Variants in VPS39 observed in about 807,000 individuals in gnomAD.
VPS39 encodes vam6/Vps39-like protein.
In VPS39, 70 loss-of-function variants were observed where a neutral mutation model predicts 121.0. That is an observed-to-expected ratio of 0.58 (90% CI 0.48 to 0.71). The LOEUF (loss-of-function observed/expected upper bound fraction) is 0.71. Among genes scored for constraint, VPS39 ranks in the 30% least tolerant of loss-of-function variants. The pLI is 0.00. For synonymous variants in VPS39, 378 were observed against 398.1 expected (o/e 0.95, Z 0.60); for missense variants, 818 against 1,051.5 (o/e 0.78, Z 3.07).
At chr15:42,185,661 T>C (rs1460340572) in intron 7 of VPS39, among the ~76,000 whole-genome samples, 1 of 152,186 alleles carries the variant, frequency 6.6e-6, no homozygotes, top group Non-Finnish European at 1.5e-5. Context: ...TCATTCAATT[T>C]ATATGACATT....
intron 12 of VPS39, 53 bp downstream of exon 12, chr15:42,169,671 C>T: frequency 6.5e-7 from 1 of 1,528,908 alleles, no homozygotes; most frequent in Non-Finnish European, 8.9e-7. Context: ...CACAAAGAAA[C>T]AAGTACTGAA....
chr15:42,186,597 G>A (rs1230582562), intron 7 of VPS39, among the ~76,000 whole-genome samples: 1 of 152,208 alleles, frequency 6.6e-6, no homozygotes, highest in African/African-American at 2.4e-5. Flanking sequence ...CATATAGTAT[G>A]CATATTGGAG....
At chr15:42,186,742 G>C (rs1415794568) in intron 7 of VPS39, among the ~76,000 whole-genome samples, 2 of 152,174 alleles carry the variant, frequency 1.3e-5, no homozygotes, top group African/African-American at 4.8e-5. Context: ...ATTTCTGAGT[G>C]GGGGGACTAT....
At chr15:42,175,656 C>T (rs965808700) in intron 10 of VPS39, among the ~76,000 whole-genome samples, 1 of 151,872 alleles carries the variant, frequency 6.6e-6, no homozygotes, top group Non-Finnish European at 1.5e-5. Context: ...TAGTCCAAGC[C>T]ATCATCAACA....
In VPS39 at chr15:42,203,762, T is replaced by C. The variant is rs188712618; in HGVS notation, c.74-3801A>G. 9.2e-5 allele frequency among the ~76,000 whole-genome samples: 14 copies of C among 152,378 alleles called. No homozygotes were observed. The East Asian group carries it at 2.3e-3, about 25-fold the overall frequency. On this transcript the variant is annotated intron_variant, in intron 1 of 24. Transcript: ENST00000318006. ...CAACCTGATTGATTACATGTGCCAT[T>C]AGCCAGAGGACCTGTCCCATGTTGG...
Position 42,159,237 on chromosome 15 carries a change from G to A in VPS39, c.*1517C>T, listed in dbSNP as rs938371574. On this transcript the variant is annotated 3_prime_UTR_variant, in exon 25 of 25. Transcript: ENST00000318006. ...TCAGGCCCCCACGGACGGCATGCCTGGGGAAGCCTAGTCTACTTACCATCA... is the reference window on the plus strand; with the variant it reads ...TCAGGCCCCCACGGACGGCATGCCTAGGGAAGCCTAGTCTACTTACCATCA... 1 of 152,268 alleles carries A rather than the reference G, an allele frequency of 6.6e-6. No individual in the cohort carries two copies. Among genetic ancestry groups the A allele is most frequent in the Non-Finnish European group, 1.5e-5 (1 of 68,092 alleles). The allele number at this position is 152,268 out of a possible 1,614,324, so 9.4% of individuals were successfully genotyped here.
At chr15:42,203,106 G>A (rs992503298) in intron 1 of VPS39, among the ~76,000 whole-genome samples, 4 of 152,064 alleles carry the variant, frequency 2.6e-5, no homozygotes, top group Non-Finnish European at 5.9e-5. Flanking sequence ...CGAAGTGGGC[G>A]AATCACTGGA....
Position 42,169,804 on chromosome 15 carries a change from G to A in VPS39, c.1153C>T (p.Gln385Ter). The stretch of plus-strand genomic sequence containing the variant: ...AGCACAGGCAATGGGTTGGGATACT[G>A]CAACTGCTTTCTGTAGTCTGTGGGC... Reference protein sequence around the residue: ...LLPTDYRKQLQYPNPLPVLSG... With the variant: ...LLPTDYRKQL Residue 385 changes from glutamine to a stop codon, truncating the protein, a stop_gained, in exon 12 of 25, where the codon CAG becomes TAG. Coordinates refer to ENST00000318006, the MANE Select transcript of VPS39 (RefSeq NM_015289.5). LOFTEE classifies it high-confidence loss of function. The A allele has an allele frequency of 6.2e-7, 1 of 1,614,110 alleles. No homozygotes were observed. The highest frequency in any genetic ancestry group is 8.5e-7 in the Non-Finnish European group (1 of 1,180,028).
chr15:42,192,294 T>A (rs915944581), intron 2 of VPS39, among the ~76,000 whole-genome samples: 1 of 152,126 alleles, frequency 6.6e-6, no homozygotes, highest in African/African-American at 2.4e-5. Flanking sequence ...TTATATATAT[T>A]TTTTTCTGTA....
rs200090156 is a variant in VPS39 at position 42,173,860 on chromosome 15, C to T, written c.961-8G>A. The T allele has an allele frequency of 4.5e-5, 73 of 1,613,648 alleles. 1 individual carries two copies. Among genetic ancestry groups the T allele is most frequent in the African/African-American group, 1.2e-4 (9 of 74,876 alleles). Reference sequence around the variant, plus strand: ...AGAATCATCTTTCATTTCCTAATAACGGAGCAGAATATGTAAGAGTTCACT... The same window carrying T: ...AGAATCATCTTTCATTTCCTAATAATGGAGCAGAATATGTAAGAGTTCACT... On this transcript the variant is annotated splice_region_variant and splice_polypyrimidine_tract_variant and intron_variant, in intron 10 of 24. Transcript: ENST00000318006.
rs1322258955 is a variant in VPS39, at chr15:42,162,434, G to C, written c.2223C>G (p.His741Gln). Residue 741 changes from histidine (H) to glutamine (Q), a missense_variant, in exon 22 of 25, where the codon CAC becomes CAG. Coordinates refer to ENST00000318006, the MANE Select transcript of VPS39 (RefSeq NM_015289.5). ...LRMYLSPPSIHCLGPIKLELL... is the reference protein window; with the variant it reads ...LRMYLSPPSIQCLGPIKLELL... ...GTTCCAGCTTGATTGGCCCCAGGCA[G>C]TGAATGCTGGGGGGCGACAGGTACA... 1 of 1,613,062 alleles carries C rather than the reference G, an allele frequency of 6.2e-7. No homozygotes were observed. Among genetic ancestry groups the C allele is most frequent in the Non-Finnish European group, 8.5e-7 (1 of 1,179,446 alleles).
Position 42,208,251 on chromosome 15 carries a change from G to T in VPS39, c.-98C>A. 2.0e-6 allele frequency: 3 copies of T among 1,467,604 alleles called. No individual in the cohort carries two copies. The highest frequency in any genetic ancestry group is 2.5e-5 in the South Asian group (2 of 80,792). 90.9% of individuals were successfully genotyped at this position (1,467,604 alleles called of 1,614,324 possible). A position where few individuals can be genotyped will look rare whatever the true frequency, so the allele number is the denominator to read the frequency against. On this transcript the variant is annotated 5_prime_UTR_variant, in exon 1 of 25. Coordinates refer to ENST00000318006, the MANE Select transcript of VPS39 (RefSeq NM_015289.5). ...CTGGGCTAAGGGTAGACCGGGATCC[G>T]GCCAGGAACCCCCCGGCTACAGGCC...
At chr15:42,201,548 T>C (rs2050069661) in intron 1 of VPS39, among the ~76,000 whole-genome samples, 1 of 152,202 alleles carries the variant, frequency 6.6e-6, no homozygotes, top group South Asian at 2.1e-4. Flanking sequence ...TTTGAGAGTT[T>C]GTTAAAATAC....
At chr15:42,163,580 CCTGCTTTTAGA>C (rs778678212) in intron 20 of VPS39, 35 bp downstream of exon 20, 1 of 1,571,896 alleles carries the variant, frequency 6.4e-7, no homozygotes, top group Non-Finnish European at 8.7e-7. Flanking sequence ...CTCTGCAGGG[CCTGCTTTTAGA>C]CTGCTTAGGA....
At chr15:42,208,048 A>C (rs1458178941) in intron 1 of VPS39, 33 bp downstream of exon 1, 4 of 1,556,950 alleles carry the variant, frequency 2.6e-6, no homozygotes. Flanking sequence ...TCCTGTGCTG[A>C]CTCCGCCTCG....
chr15:42,188,931 A>G (rs2049762542), intron 5 of VPS39, among the ~76,000 whole-genome samples, 183 bp downstream of exon 5: 1 of 152,086 alleles, frequency 6.6e-6, no homozygotes, highest in Admixed American at 6.5e-5. Flanking sequence ...GTGCCACTAC[A>G]CTCTAGCCTG....
At chr15:42,165,230 C>T in intron 17 of VPS39, 117 bp from the exon 18 acceptor site, 1 of 965,488 alleles carries the variant, frequency 1.0e-6, no homozygotes, top group African/African-American at 1.6e-5. Context: ...CCTAATCGGG[C>T]TGCAAAGATG....
intron 11 of VPS39, 194 bp downstream of exon 11, chr15:42,173,529 G>C: frequency 1.8e-6 from 1 of 565,142 alleles, no homozygotes; most frequent in Non-Finnish European, 2.9e-6. Context: ...TTATTGAGAA[G>C]ACCAGATTCA....
chr15:42,184,648 T>A lies in VPS39; in HGVS notation c.587A>T (p.Glu196Val), dbSNP rs2049662288. ...KELFPTGKQL[E>V]PLVAPLADGK... The stretch of plus-strand genomic sequence containing the variant: ...ATCTGCCAGAGGTGCAACTAAGGGC[T>A]CCAGCTGTTTTCCTGTTGGAAAGAG... The change falls in exon 8 of 25, where the codon GAG becomes GTG. Residue 196 changes from glutamate to valine, a missense_variant. Glu to Val is a moderately radical substitution (Grantham distance 121). Transcript: ENST00000318006. 1 of 1,614,004 alleles carries A rather than the reference T, an allele frequency of 6.2e-7. No homozygotes were observed. The highest frequency in any genetic ancestry group is 1.3e-5 in the African/African-American group (1 of 74,924).
Sources: allele counts gnomAD v4.1 joint callset (sites outside exome capture counted in the v4.1 genomes callset), GRCh38; gene constraint gnomAD v4.1.1; transcripts MANE v1.5; gene names NCBI Gene and HGNC (gene_info 2026-07-23, HGNC 2026-07-21).